DPH6: variants seen among roughly 807,000 people sequenced by gnomAD.
The protein encoded by DPH6 is diphthine--ammonia ligase.
A neutral mutation model predicts 38.2 loss-of-function variants in DPH6; 33 were observed. The ratio of observed to expected loss-of-function variants is 0.86; its 90% confidence interval spans 0.65 to 1.15. DPH6 has a LOEUF of 1.15. Among genes scored for constraint, DPH6 ranks in the 50% most tolerant of loss-of-function variants. The probability of loss-of-function intolerance (pLI) is 0.00; values close to 1 mark genes in which losing one functional copy is unlikely to be tolerated. For missense variants in DPH6, 325 were observed against 320.0 expected (o/e 1.02, Z -0.12); for synonymous variants, 108 against 103.0 (o/e 1.05, Z -0.30).
rs749336463 is a variant in DPH6, at chr15:35,538,440, A to G, written c.146T>C (p.Met49Thr). The G allele has an allele frequency of 6.3e-7, 1 of 1,580,248 alleles. No individual in the cohort carries two copies. Among genetic ancestry groups the G allele is most frequent in the South Asian group, 1.1e-5 (1 of 87,808 alleles). ...GGCATGGTGCCCCACTGTCTGATAC[A>G]TGTAGCTATCCAGTTCATCAGACCC... ...QVGSDELDSY[M>T]YQTVGHHAID... The change falls in exon 3 of 9, where the codon ATG (methionine) becomes ACG (threonine). Residue 49 changes from methionine (M) to threonine (T), a missense_variant. Coordinates refer to ENST00000256538, the MANE Select transcript of DPH6 (RefSeq NM_080650.4).
intron 3 of DPH6, among the ~76,000 whole-genome samples, chr15:35,478,953 C>A (rs1202940988): frequency 1.3e-5 from 2 of 151,978 alleles, no homozygotes; most frequent in East Asian, 3.9e-4. Context: ...ATATTAGTAA[C>A]AACTGCAAGA....
chr15:35,398,403 C>A (rs539864843), intron 6 of DPH6, among the ~76,000 whole-genome samples: 1 of 152,176 alleles, frequency 6.6e-6, no homozygotes, highest in Non-Finnish European at 1.5e-5. Context: ...TTTAGTTGCT[C>A]ACCAATGGCC....
chr15:35,493,696 C>T (rs80230052), intron 3 of DPH6, among the ~76,000 whole-genome samples: 2,775 of 152,132 alleles, frequency 0.018, 86 homozygotes, highest in African/African-American at 0.062. Context: ...CACTTCCAAA[C>T]AATGTGTTGC....
intron 3 of DPH6, chr15:35,521,417 T>C (rs1426982895): frequency 1.8e-6 from 2 of 1,119,842 alleles, no homozygotes; most frequent in African/African-American, 3.2e-5. Flanking sequence ...CTCTAGGAAG[T>C]AAATGAACAA....
intron 3 of DPH6, among the ~76,000 whole-genome samples, chr15:35,494,605 C>G (rs940073073): frequency 1.3e-5 from 2 of 151,918 alleles, no homozygotes; most frequent in African/African-American, 4.8e-5. Flanking sequence ...TAAATCATTC[C>G]TTTCAAATTT....
intron 3 of DPH6, among the ~76,000 whole-genome samples, chr15:35,505,505 A>T (rs1043309996): frequency 2.6e-5 from 4 of 152,104 alleles, no homozygotes; most frequent in African/African-American, 9.7e-5. Flanking sequence ...TGTCTCATTG[A>T]AAGTTTTTTT....
intron 3 of DPH6, among the ~76,000 whole-genome samples, chr15:35,340,784 G>GCCTTTCTCTCTGGCTGC (rs1225082627): frequency 2.0e-5 from 3 of 152,030 alleles, no homozygotes; most frequent in Non-Finnish European, 4.4e-5. Context: ...AGGTGACCTG[G>GCCTTTCTCTCTGGCTGC]CCTTTCTCTC....
intron 3 of DPH6, among the ~76,000 whole-genome samples, chr15:35,282,100 T>C (rs1268865576): frequency 6.6e-5 from 10 of 152,234 alleles, no homozygotes. Flanking sequence ...TCTTTTTATA[T>C]AAAACTAATT....
chr15:35,195,404 G>A, the DPH6 span, among the ~76,000 whole-genome samples: 2 of 152,110 alleles, frequency 1.3e-5, no homozygotes, highest in Non-Finnish European at 2.9e-5. Context: ...TATAAAAGAG[G>A]AAACTGAGGC....
At chr15:35,253,132 C>T (rs1212633474) in intron 3 of DPH6, among the ~76,000 whole-genome samples, 2 of 152,182 alleles carry the variant, frequency 1.3e-5, no homozygotes, top group Non-Finnish European at 2.9e-5. Flanking sequence ...ATGCAAATTG[C>T]TCTTCCAGAT....
chr15:35,267,618 AACTTCT>A (rs2051791332), intron 3 of DPH6, among the ~76,000 whole-genome samples: 1 of 152,114 alleles, frequency 6.6e-6, no homozygotes, highest in Non-Finnish European at 1.5e-5. Context: ...TTTAGGCCTA[AACTTCT>A]AATTGTTCAT....
At chr15:35,298,668 T>C in intron 3 of DPH6, 3 of 1,462,476 alleles carry the variant, frequency 2.1e-6, no homozygotes, top group Non-Finnish European at 2.9e-6. Flanking sequence ...AAGGCGGTGC[T>C]CAGCCCCTGC....
At chr15:35,329,289 G>A (rs2052309151), downstream of DPH6, among the ~76,000 whole-genome samples, 1 of 152,190 alleles carries the variant, frequency 6.6e-6, no homozygotes, top group Non-Finnish European at 1.5e-5. Flanking sequence ...GGTAGTAGCA[G>A]ATAGCATTTG....
intron 3 of DPH6, among the ~76,000 whole-genome samples, chr15:35,480,978 TA>T (rs11332940): frequency 0.88 from 131,429 of 150,146 alleles, 57,588 homozygotes; most frequent in East Asian, 0.99. Flanking sequence ...GGGTATTCTT[TA>T]AAAAAAAAAA....
intron 7 of DPH6, 130 bp from the exon 8 acceptor site, chr15:35,373,738 A>G (rs1193410097): frequency 3.8e-6 from 2 of 531,264 alleles, no homozygotes; most frequent in Admixed American, 4.2e-5. Flanking sequence ...ACATGTAGTG[A>G]TTAATAAATA....
intron 3 of DPH6, among the ~76,000 whole-genome samples, chr15:35,225,283 C>A (rs1169530167): frequency 6.6e-6 from 1 of 152,104 alleles, no homozygotes; most frequent in African/African-American, 2.4e-5. Context: ...ATAAAAATAA[C>A]CTATTACTGG....
intron 3 of DPH6, among the ~76,000 whole-genome samples, chr15:35,506,358 G>T (rs1189565505): frequency 6.6e-6 from 1 of 152,062 alleles, no homozygotes; most frequent in African/African-American, 2.4e-5. Flanking sequence ...TATTGTCTTT[G>T]TTAGTTTTGC....
At chr15:35,449,701 C>T (rs1484865464) in intron 5 of DPH6, among the ~76,000 whole-genome samples, 2 of 151,870 alleles carry the variant, frequency 1.3e-5, no homozygotes, top group Non-Finnish European at 2.9e-5. Flanking sequence ...CATAATATCA[C>T]TCAATCTTTC....
intron 3 of DPH6, chr15:35,282,881 G>A: frequency 2.9e-6 from 1 of 342,972 alleles, no homozygotes; most frequent in South Asian, 3.1e-5. Context: ...GACCCCATCG[G>A]GGGGTTCCAC....
Sources: gnomAD v4.1 joint callset for allele counts (sites outside exome capture counted in the v4.1 genomes callset) on GRCh38, gnomAD v4.1.1 for gene constraint, MANE v1.5 for transcripts, NCBI Gene and HGNC (gene_info 2026-07-23, HGNC 2026-07-21) for gene names.